Variants in PDPR observed in about 807,000 individuals in gnomAD.
PDPR encodes pyruvate dehydrogenase phosphatase regulatory subunit, mitochondrial.
In PDPR, 50 loss-of-function variants were observed where a neutral mutation model predicts 102.2. That is an observed-to-expected ratio of 0.49 (90% CI 0.39 to 0.62). The LOEUF is 0.62. Ranked by LOEUF, PDPR falls within the 20% of genes least tolerant of loss-of-function variation. The pLI is 0.00. For missense variants in PDPR, 625 were observed against 1,098.2 expected (o/e 0.57, Z 6.09); for synonymous variants, 259 against 406.0 (o/e 0.64, Z 4.35).
rs1278331480 is a variant in PDPR, at chr16:70,120,490, G to C, written c.-3G>C. 2 of 1,612,786 alleles carry C rather than the reference G, an allele frequency of 1.2e-6. No homozygotes were observed. The highest frequency in any genetic ancestry group is 2.7e-5 in the African/African-American group (2 of 74,922). On this transcript the variant is annotated 5_prime_UTR_variant, in exon 3 of 19. Coordinates refer to ENST00000288050, the MANE Select transcript of PDPR (RefSeq NM_017990.5). ...AGTTCCTGAGATCTAGTTGGTGAGA[G>C]ACATGATGTTCTACCGGTTGCTGTC...
At chr16:70,148,778 C>A (rs1410471419) in intron 17 of PDPR, among the ~76,000 whole-genome samples, 3 of 152,266 alleles carry the variant, frequency 2.0e-5, no homozygotes, top group African/African-American at 4.8e-5. Flanking sequence ...ATAGGTGATA[C>A]ATTTAAAAAG....
At position 70,161,696 on chromosome 16, in the gene PDPR, C is replaced by G. The variant is rs1279096174; in HGVS notation, c.*4817C>G. ...ATCACTACCAGTACACTTTTCAAGACAACTGAGTATTTTTGTATGCCTTTG... is the reference window on the plus strand; with the variant it reads ...ATCACTACCAGTACACTTTTCAAGAGAACTGAGTATTTTTGTATGCCTTTG... On this transcript the variant is annotated 3_prime_UTR_variant, in exon 19 of 19. Transcript: ENST00000288050. 1.3e-5 allele frequency: 2 copies of G among 152,664 alleles called. No homozygotes were observed. The highest frequency in any genetic ancestry group is 6.5e-5 in the Admixed American group (1 of 15,290). 9.5% of individuals were successfully genotyped at this position (152,664 alleles called of 1,614,324 possible). A position where few individuals can be genotyped will look rare whatever the true frequency, so the allele number is the denominator to read the frequency against.
In PDPR at chr16:70,131,536, C is replaced by T. The variant is rs62050965; in HGVS notation, c.847+117C>T. 0.28 allele frequency: 295,957 copies of T among 1,060,918 alleles called. 7,668 individuals are homozygous for T. Among genetic ancestry groups the T allele is most frequent in the Admixed American group, 0.29 (12,031 of 41,152 alleles). 65.7% of individuals were successfully genotyped at this position (1,060,918 alleles called of 1,614,324 possible). A position where few individuals can be genotyped will look rare whatever the true frequency, so the allele number is the denominator to read the frequency against. On this transcript the variant is annotated intron_variant, in intron 8 of 18. Transcript: ENST00000288050. Reference sequence around the variant, plus strand: ...CTGAAAGAGTCTTTCATTTCTAGAGCATGTTACAGGGAGGTGGACCCAATT... The same window carrying T: ...CTGAAAGAGTCTTTCATTTCTAGAGTATGTTACAGGGAGGTGGACCCAATT...
At chr16:70,130,108 C>A (rs894495846) in intron 6 of PDPR, among the ~76,000 whole-genome samples, 17 of 152,242 alleles carry the variant, frequency 1.1e-4, no homozygotes, top group Admixed American at 3.3e-4. Context: ...GGCTGACCAA[C>A]ATGGTAAAAC....
At chr16:70,116,141 G>C (rs1429049149) in intron 2 of PDPR, among the ~76,000 whole-genome samples, 1 of 147,202 alleles carries the variant, frequency 6.8e-6, no homozygotes, top group African/African-American at 2.5e-5. Flanking sequence ...GCAGTGGCGC[G>C]AATCTGCCCA....
intron 2 of PDPR, among the ~76,000 whole-genome samples, chr16:70,118,521 C>T (rs1235006291): frequency 7.2e-5 from 11 of 152,224 alleles, no homozygotes; most frequent in Non-Finnish European, 1.6e-4. Context: ...ACAGTGAGGT[C>T]AATGGGACGG....
intron 10 of PDPR, among the ~76,000 whole-genome samples, chr16:70,137,336 A>G (rs537484228): frequency 6.6e-6 from 1 of 152,366 alleles, no homozygotes; most frequent in African/African-American, 2.4e-5. Context: ...AGCCTGGGCA[A>G]CAGAGCGAGA....
At position 70,146,227 on chromosome 16, in the gene PDPR, A is replaced by G. The variant is rs1966230104; in HGVS notation, c.1961A>G (p.Lys654Arg). ...GACCACTTCCCAAGCCTCTTTTGCA[A>G]GGTAAGTGCTGATAAAGTTCTGTTT... ...TPDHFPSLFCKEMSVGYANGI... is the reference protein window; with the variant it reads ...TPDHFPSLFCREMSVGYANGI... Residue 654 changes from lysine to arginine, a missense_variant and splice_region_variant, in exon 16 of 19, where the codon AAG becomes AGG. Lys to Arg is a conservative substitution (Grantham distance 26, BLOSUM62 2). This residue lies in a region of PDPR where 36 missense variants were observed against 62.8 expected (regional missense o/e 0.57). Transcript: ENST00000288050. The G allele has an allele frequency of 6.2e-7, 1 of 1,613,856 alleles. No homozygotes were observed.
At chr16:70,126,298 A>G (rs1486105342) in intron 3 of PDPR, among the ~76,000 whole-genome samples, 2 of 152,280 alleles carry the variant, frequency 1.3e-5, no homozygotes, top group African/African-American at 2.4e-5. Flanking sequence ...TGCAGCCGCA[A>G]ACTTTTGGGA....
At chr16:70,126,271 G>T (rs1391179091) in intron 3 of PDPR, among the ~76,000 whole-genome samples, 1 of 152,274 alleles carries the variant, frequency 6.6e-6, no homozygotes. Context: ...AAGTGTAGTG[G>T]CACAATGCTA....
intron 9 of PDPR, among the ~76,000 whole-genome samples, chr16:70,134,794 A>AT (rs796614180): frequency 0.041 from 6,053 of 146,680 alleles, 84 homozygotes; most frequent in African/African-American, 0.11. Context: ...TCAAAAAAAA[A>AT]AAAAATAATA....
chr16:70,127,727 C>T (rs2549534), intron 4 of PDPR, among the ~76,000 whole-genome samples: 2 of 152,240 alleles, frequency 1.3e-5, no homozygotes, highest in Non-Finnish European at 2.9e-5. Flanking sequence ...AGAGTCATTG[C>T]ATTTTAGGAG....
At chr16:70,125,066 A>G (rs1963783033) in intron 3 of PDPR, among the ~76,000 whole-genome samples, 2 of 152,174 alleles carry the variant, frequency 1.3e-5, no homozygotes, top group African/African-American at 2.4e-5. Flanking sequence ...ATGTATTTAT[A>G]TGATTCAAAA....
intron 3 of PDPR, among the ~76,000 whole-genome samples, chr16:70,125,394 A>AC (rs1567524598): frequency 2.3e-4 from 34 of 150,566 alleles, no homozygotes; most frequent in African/African-American, 7.5e-4. Context: ...AAACAAACAA[A>AC]AAAACAAAAA....
At chr16:70,156,357 TG>T in intron 18 of PDPR, 117 bp from the exon 19 acceptor site, 1 of 1,257,056 alleles carries the variant, frequency 8.0e-7, no homozygotes, top group Non-Finnish European at 1.1e-6. Flanking sequence ...GGCAGGGTTG[TG>T]GGAGGAGGCG....
At position 70,116,313 on chromosome 16, in the gene PDPR, A is replaced by G. The variant is rs561552636; in HGVS notation, c.-33+1383A>G. On this transcript the variant is annotated intron_variant, in intron 2 of 18. Coordinates refer to ENST00000288050, the MANE Select transcript of PDPR (RefSeq NM_017990.5). ...GCTGGTCTCAAACTCCTGACCTCAA[A>G]TAATCCACCCACCTTGGCCTCCCAA... 2.8e-4 allele frequency among the ~76,000 whole-genome samples: 37 copies of G among 132,518 alleles called. 2 individuals are homozygous for G. In the South Asian group the frequency reaches 8.4e-3, roughly 30 times the overall value. The allele number at this position is 132,518 out of a possible 152,430, so 86.9% of individuals were successfully genotyped here.
intron 18 of PDPR, among the ~76,000 whole-genome samples, chr16:70,154,454 A>C (rs1966889654): frequency 6.6e-6 from 1 of 152,294 alleles, no homozygotes; most frequent in Non-Finnish European, 1.5e-5. Flanking sequence ...ATACAGCAAG[A>C]CCTTGTCTCT....
intron 3 of PDPR, among the ~76,000 whole-genome samples, chr16:70,126,660 G>A (rs1235216218): frequency 6.6e-6 from 1 of 152,268 alleles, no homozygotes; most frequent in Non-Finnish European, 1.5e-5. Flanking sequence ...ACCGCACTCA[G>A]CCTTTATTTT....
intron 18 of PDPR, among the ~76,000 whole-genome samples, chr16:70,154,991 A>G (rs577567125): frequency 6.6e-5 from 10 of 152,276 alleles, no homozygotes; most frequent in Admixed American, 6.5e-4. Flanking sequence ...CACAAGTTCG[A>G]GACCAGCCCG....
Sources: gnomAD v4.1 joint callset for allele counts (sites outside exome capture counted in the v4.1 genomes callset) on GRCh38, gnomAD v4.1.1 for gene constraint, gnomAD v4.1.1 regional missense constraint, MANE v1.5 for transcripts, NCBI Gene and HGNC (gene_info 2026-07-23, HGNC 2026-07-21) for gene names.